Variants in HMCN1 observed in about 807,000 individuals in gnomAD.
The protein encoded by HMCN1 is hemicentin 1.
HMCN1 carries 321 observed loss-of-function variants against 625.9 expected under a neutral mutation model. That is an observed-to-expected ratio of 0.51 (90% CI 0.47 to 0.56). HMCN1 has a LOEUF of 0.56. Ranked by LOEUF, HMCN1 falls within the 20% of genes least tolerant of loss-of-function variation. HMCN1 has a pLI of 0.00. For synonymous variants in HMCN1, 2,425 were observed against 2,417.6 expected, an observed-to-expected ratio of 1.00 and a Z score of -0.09; for missense variants, 6,588 against 6,887.3, an observed-to-expected ratio of 0.96 and a Z score of 1.54.
At chr1:185,769,522 A>G (rs1416259780) in intron 1 of HMCN1, among the ~76,000 whole-genome samples, 1 of 152,184 alleles carries the variant, frequency 6.6e-6, no homozygotes, top group Non-Finnish European at 1.5e-5. Context: ...TATTTTGCCT[A>G]TCATATAAAA....
At chr1:186,176,292 A>G (rs932161182) in intron 103 of HMCN1, among the ~76,000 whole-genome samples, 25 of 152,204 alleles carry the variant, frequency 1.6e-4, no homozygotes, top group African/African-American at 5.5e-4. Context: ...AATTCAGAAA[A>G]TAAAATTTTA....
chr1:186,110,188 T>C lies in HMCN1; in HGVS notation c.10989+1591T>C, dbSNP rs558860642. On this transcript the variant is annotated intron_variant, in intron 71 of 106. Transcript: ENST00000271588. Reference sequence around the variant, plus strand: ...TTGGTTTCATGGTCCATATTTACTTTAAAAAAAAGCGGCCTTTGATGTAAT... The same window carrying C: ...TTGGTTTCATGGTCCATATTTACTTCAAAAAAAAGCGGCCTTTGATGTAAT... 6.6e-5 allele frequency among the ~76,000 whole-genome samples: 10 copies of C among 152,120 alleles called. No homozygotes were observed. The East Asian group carries it at 1.5e-3, about 23-fold the overall frequency.
At chr1:185,777,379 G>A (rs1656688817) in intron 1 of HMCN1, among the ~76,000 whole-genome samples, 1 of 151,962 alleles carries the variant, frequency 6.6e-6, no homozygotes, top group Admixed American at 6.6e-5. Context: ...AATTTCAAAT[G>A]TTTGACACAA....
At chr1:186,063,071 T>TATATATATATATATATATATAA (rs1657840645) in intron 48 of HMCN1, among the ~76,000 whole-genome samples, 1 of 82,868 alleles carries the variant, frequency 1.2e-5, no homozygotes, top group African/African-American at 5.3e-5. Context: ...TGTGTGCATA[T>TATATATATATATATATATATAA]ATATATATAT....
intron 74 of HMCN1, 109 bp from the exon 75 acceptor site, chr1:186,115,149 A>G (rs754578822): frequency 1.7e-5 from 25 of 1,456,716 alleles, no homozygotes; most frequent in South Asian, 2.3e-5. Flanking sequence ...TTGTTTGCTC[A>G]TAACTATGAG....
intron 24 of HMCN1, 86 bp from the exon 25 acceptor site, chr1:185,997,343 C>T (rs41317467): frequency 3.0e-4 from 243 of 811,594 alleles, no homozygotes; most frequent in Non-Finnish European, 4.9e-4. Context: ...GATAGCAACT[C>T]ATCAGTGCAG....
At position 186,047,196 on chromosome 1, in the gene HMCN1, G is replaced by A. The variant is rs7553972; in HGVS notation, c.6480+1333G>A. Among the ~76,000 whole-genome samples, 1,497 of 152,140 alleles carry A rather than the reference G, an allele frequency of 9.8e-3. 23 individuals carry two copies. The highest frequency in any genetic ancestry group is 0.034 in the African/African-American group (1,409 of 41,530). On this transcript the variant is annotated intron_variant, in intron 41 of 106. Transcript: ENST00000271588. ...TTATGATTCTATAATAATGGAGCTG[G>A]GTGAGAAAGAAAAGACCAGAATCAC...
chr1:185,877,417 CT>C (rs1664024289), intron 4 of HMCN1, among the ~76,000 whole-genome samples: 1 of 107,786 alleles, frequency 9.3e-6, no homozygotes, highest in Non-Finnish European at 1.8e-5. Context: ...TAGTTTTGTT[CT>C]TTTTGTTTAG....
chr1:186,172,938 A>G (rs1394925289), intron 102 of HMCN1, among the ~76,000 whole-genome samples: 1 of 152,212 alleles, frequency 6.6e-6, no homozygotes, highest in African/African-American at 2.4e-5. Flanking sequence ...GAAGGAGGTC[A>G]TGAAAATGAT....
chr1:185,774,746 A>C (rs1036719209), intron 1 of HMCN1, among the ~76,000 whole-genome samples: 3 of 152,316 alleles, frequency 2.0e-5, no homozygotes, highest in Admixed American at 6.5e-5. Context: ...TAACTGAAAA[A>C]AACGCTGGTA....
At chr1:185,917,397 A>G (rs1390391711) in intron 6 of HMCN1, among the ~76,000 whole-genome samples, 2 of 152,200 alleles carry the variant, frequency 1.3e-5, no homozygotes, top group African/African-American at 2.4e-5. Context: ...AATAATTGCC[A>G]TTTAAGTTGC....
chr1:186,110,667 G>T (rs1360528691), intron 71 of HMCN1, among the ~76,000 whole-genome samples: 1 of 152,156 alleles, frequency 6.6e-6, no homozygotes, highest in Non-Finnish European at 1.5e-5. Context: ...AGAGATTGGA[G>T]ACAGAGGAGA....
At chr1:185,895,300 A>G (rs1436618106) in intron 4 of HMCN1, among the ~76,000 whole-genome samples, 4 of 152,078 alleles carry the variant, frequency 2.6e-5, no homozygotes, top group East Asian at 1.9e-4. Context: ...ATGTTCCAAG[A>G]TATTTTGTGG....
At chr1:186,000,684 G>A (rs933423639) in intron 26 of HMCN1, among the ~76,000 whole-genome samples, 2 of 151,128 alleles carry the variant, frequency 1.3e-5, no homozygotes, top group Admixed American at 6.6e-5. Context: ...ACATATAATA[G>A]AACATTATAT....
chr1:185,929,534 G>T (rs371220246), intron 10 of HMCN1, among the ~76,000 whole-genome samples: 19 of 152,244 alleles, frequency 1.2e-4, no homozygotes, highest in Admixed American at 8.5e-4. Flanking sequence ...GACTAGTGTT[G>T]CTATGTGTTT....
intron 100 of HMCN1, among the ~76,000 whole-genome samples, chr1:186,169,579 G>A (rs1244794336): frequency 6.6e-6 from 1 of 152,068 alleles, no homozygotes; most frequent in African/African-American, 2.4e-5. Flanking sequence ...CACAAGCAAT[G>A]GGGAAAGGAT....
intron 93 of HMCN1, among the ~76,000 whole-genome samples, 182 bp downstream of exon 93, chr1:186,146,105 AT>A (rs1325405948): frequency 2.6e-5 from 4 of 151,772 alleles, no homozygotes. Flanking sequence ...TCTAGCCTCT[AT>A]TTTCTCCCTT....
intron 2 of HMCN1, among the ~76,000 whole-genome samples, chr1:185,848,058 C>T (rs1165610219): frequency 6.6e-6 from 1 of 151,992 alleles, no homozygotes; most frequent in Non-Finnish European, 1.5e-5. Context: ...AAAAACAAAA[C>T]AAAATAAACA....
At chr1:185,931,235 T>C (rs997299152) in intron 10 of HMCN1, among the ~76,000 whole-genome samples, 1 of 152,144 alleles carries the variant, frequency 6.6e-6, no homozygotes, top group Non-Finnish European at 1.5e-5. Flanking sequence ...ATGCTTGTCA[T>C]CTTTCCTCCC....
Sources: allele counts gnomAD v4.1 joint callset (sites outside exome capture counted in the v4.1 genomes callset), GRCh38; gene constraint gnomAD v4.1.1; transcripts MANE v1.5; gene names NCBI Gene and HGNC (gene_info 2026-07-23, HGNC 2026-07-21).